Variants in PHLPP1 observed in about 807,000 individuals in gnomAD.
The protein encoded by PHLPP1 is PH domain and leucine rich repeat protein phosphatase 1, also known as PH domain leucine-rich repeat-containing protein phosphatase 1.
Under a neutral mutation model 117.2 loss-of-function variants are expected in PHLPP1, and 42 were observed. The observed-to-expected ratio is 0.36, with a 90% CI of 0.28 to 0.46. The LOEUF is 0.46. Ranked by LOEUF, PHLPP1 falls within the 20% of genes least tolerant of loss-of-function variation. The pLI, the probability that PHLPP1 is intolerant of heterozygous loss-of-function variation, is 1.00. For missense variants in PHLPP1, 2,084 were observed against 2,241.9 expected (o/e 0.93, Z 1.42); for synonymous variants, 1,042 against 970.7 (o/e 1.07, Z -1.37).
chr18:62,978,819 G>A lies in PHLPP1; in HGVS notation c.4542G>A (p.Gln1514=), dbSNP rs747156062. Residue 1514 remains glutamine, a synonymous_variant, in exon 17 of 17, where the codon CAG becomes CAA. Coordinates refer to ENST00000262719, the MANE Select transcript of PHLPP1 (RefSeq NM_194449.4). The surrounding 1 kb of genome is among the most constrained non-coding windows in gnomAD (Gnocchi z 7.0). ...ACAGCCCTGCCTACCCCAGTGAGCA[G>A]CGCTGCATGCTCCACCCCATCTGTC... is the stretch of plus-strand genomic sequence containing the variant. The part of the protein sequence containing the change: ...SENSPAYPSE[Q]RCMLHPICLS... 6.2e-7 allele frequency: 1 copy of A among 1,610,358 alleles called. No individual in the cohort carries two copies. Among genetic ancestry groups the A allele is most frequent in the African/African-American group, 1.3e-5 (1 of 74,824 alleles).
At chr18:62,821,137 T>C (rs1914441785) in intron 1 of PHLPP1, among the ~76,000 whole-genome samples, 1 of 152,074 alleles carries the variant, frequency 6.6e-6, no homozygotes, top group Non-Finnish European at 1.5e-5. Flanking sequence ...AATCTCAAAA[T>C]TAGTAAAAGA....
intron 1 of PHLPP1, among the ~76,000 whole-genome samples, chr18:62,767,289 A>G (rs1364279935): frequency 1.3e-5 from 2 of 152,244 alleles, no homozygotes; most frequent in Non-Finnish European, 1.5e-5. Flanking sequence ...GCTTTTCAAA[A>G]GTGCCACAAT....
chr18:62,852,582 A>G (rs1048775308), intron 3 of PHLPP1, among the ~76,000 whole-genome samples: 8 of 152,052 alleles, frequency 5.3e-5, no homozygotes, highest in African/African-American at 1.9e-4. Context: ...TGACATCATG[A>G]TCCGCCCGCC....
At chr18:62,962,679 C>A (rs898304803) in intron 13 of PHLPP1, among the ~76,000 whole-genome samples, 21 of 152,184 alleles carry the variant, frequency 1.4e-4, no homozygotes, top group African/African-American at 4.6e-4. Context: ...CCTGTTGGAT[C>A]AATTATGGCA....
intron 1 of PHLPP1, among the ~76,000 whole-genome samples, chr18:62,723,529 C>T (rs1333905012): frequency 6.6e-6 from 1 of 152,192 alleles, no homozygotes; most frequent in Non-Finnish European, 1.5e-5. Flanking sequence ...TCTATTTCTT[C>T]TGAATCAGAC....
chr18:62,777,441 AT>A (rs1271791342), intron 1 of PHLPP1, among the ~76,000 whole-genome samples: 1 of 151,340 alleles, frequency 6.6e-6, no homozygotes, highest in Non-Finnish European at 1.5e-5. Context: ...CTTGTTAGGT[AT>A]ATGTATGTAT....
chr18:62,778,362 C>G (rs926006386), intron 1 of PHLPP1, among the ~76,000 whole-genome samples: 16 of 152,250 alleles, frequency 1.1e-4, no homozygotes, highest in Non-Finnish European at 1.9e-4. Flanking sequence ...TCATTTTATA[C>G]TTAGAGGGGC....
rs796719016 is a variant in PHLPP1, at chr18:62,822,280, G to GTTT, written c.1577-7752_1577-7750dup. ...AGAAAATAGTGTTTTTTTTTTTTTT[G>GTTT]TTTTTGTTTTTTTTTTTTTGAGACA... On this transcript the variant is annotated intron_variant, in intron 1 of 16. Coordinates refer to ENST00000262719, the MANE Select transcript of PHLPP1 (RefSeq NM_194449.4). Among the ~76,000 whole-genome samples the GTTT allele has an allele frequency of 8.1e-4, 78 of 95,986 alleles. 4 individuals carry two copies. Among genetic ancestry groups the GTTT allele is most frequent in the South Asian group, 9.4e-4 (3 of 3,192 alleles). The allele number at this position is 95,986 out of a possible 152,430, so 63.0% of individuals were successfully genotyped here. A position where few individuals can be genotyped will look rare whatever the true frequency, so the allele number is the denominator to read the frequency against.
At chr18:62,824,583 ATATCT>A (rs928668156) in intron 1 of PHLPP1, among the ~76,000 whole-genome samples, 17 of 152,108 alleles carry the variant, frequency 1.1e-4, no homozygotes, top group Non-Finnish European at 1.5e-4. Context: ...TAGATACATC[ATATCT>A]TATTTTATAC....
At chr18:62,791,969 G>C (rs1292804249) in intron 1 of PHLPP1, among the ~76,000 whole-genome samples, 1 of 149,948 alleles carries the variant, frequency 6.7e-6, no homozygotes, top group African/African-American at 2.5e-5. Flanking sequence ...TTTTCCTGGA[G>C]ACATTTTCTC....
In PHLPP1 at chr18:62,849,832, A is replaced by ATATATATAT. The variant is rs747097979; in HGVS notation, c.1900-10603_1900-10602insTATATATAT. On this transcript the variant is annotated intron_variant, in intron 3 of 16. Transcript: ENST00000262719. ...AAAAAAAAAAAAAAAAAAAAAAAAA[A>ATATATATAT]ATATATATATCCTTTAAAGTTTAGT... is the stretch of plus-strand genomic sequence containing the variant. 1.4e-3 allele frequency among the ~76,000 whole-genome samples: 47 copies of ATATATATAT among 33,096 alleles called. 9 individuals are homozygous for ATATATATAT. The highest frequency in any genetic ancestry group is 2.1e-3 in the African/African-American group (17 of 8,098). 21.7% of individuals were successfully genotyped at this position (33,096 alleles called of 152,430 possible).
In PHLPP1 at chr18:62,920,013, A is replaced by G. The variant is rs1361183436; in HGVS notation, c.2859A>G (p.Ala953=). ...TACTGGCAGGACACAACCAGTTGGCAAGGCTGCCTGAAAGGCTAGAAAGAA... is the reference window on the plus strand; with the variant it reads ...TACTGGCAGGACACAACCAGTTGGCGAGGCTGCCTGAAAGGCTAGAAAGAA... The part of the protein sequence containing the change: ...RKLLAGHNQL[A]RLPERLERTS... The change falls in exon 10 of 17, where the codon GCA becomes GCG. Residue 953 remains alanine, a synonymous_variant. Transcript: ENST00000262719. 6.2e-7 allele frequency: 1 copy of G among 1,610,866 alleles called. No homozygotes were observed. Among genetic ancestry groups the G allele is most frequent in the Non-Finnish European group, 8.5e-7 (1 of 1,178,402 alleles).
intron 4 of PHLPP1, among the ~76,000 whole-genome samples, chr18:62,891,888 CAAAAAA>C (rs574107579): frequency 2.9e-4 from 23 of 79,110 alleles, no homozygotes; most frequent in African/African-American, 9.8e-4. Flanking sequence ...GACCCTTTCT[CAAAAAA>C]AAAAAAAAAA....
Position 62,716,123 on chromosome 18 carries a change from C to T in PHLPP1, c.440C>T (p.Ala147Val). 1.3e-6 allele frequency: 2 copies of T among 1,514,596 alleles called. No individual in the cohort carries two copies. The highest frequency in any genetic ancestry group is 1.8e-4 in the Middle Eastern group (1 of 5,450). The allele number at this position is 1,514,596 out of a possible 1,614,324, so 93.8% of individuals were successfully genotyped here. A position where few individuals can be genotyped will look rare whatever the true frequency, so the allele number is the denominator to read the frequency against. ...TCGTCGTCGTCGTCCTCGGCCGCTGCTGCCTCGCACTCCCCCGGCGCTGCC... is the reference window on the plus strand; with the variant it reads ...TCGTCGTCGTCGTCCTCGGCCGCTGTTGCCTCGCACTCCCCCGGCGCTGCC... ...ASSSSSSSAA[A>V]ASHSPGAAGL... Residue 147 changes from alanine (A) to valine (V), a missense_variant, in exon 1 of 17, where the codon GCT (alanine) becomes GTT (valine). Around this residue, in one of 2 missense-constraint regions of PHLPP1, gnomAD observed 719 missense variants for 636.0 expected, o/e 1.13. Coordinates refer to ENST00000262719, the MANE Select transcript of PHLPP1 (RefSeq NM_194449.4). The surrounding 1 kb of genome is among the most constrained non-coding windows in gnomAD (Gnocchi z 5.7).
intron 12 of PHLPP1, among the ~76,000 whole-genome samples, chr18:62,955,084 G>A (rs771978514): frequency 6.6e-5 from 10 of 152,186 alleles, no homozygotes; most frequent in Non-Finnish European, 1.5e-4. Context: ...AGTAGAGTTG[G>A]CATTGAGTTG....
At chr18:62,942,525 A>T (rs574630800) in intron 11 of PHLPP1, among the ~76,000 whole-genome samples, 1 of 152,326 alleles carries the variant, frequency 6.6e-6, no homozygotes, top group African/African-American at 2.4e-5. Context: ...AAACTGTAAC[A>T]TTGCAAATTC....
chr18:62,787,476 C>T (rs1281280646), intron 1 of PHLPP1, among the ~76,000 whole-genome samples: 4 of 151,998 alleles, frequency 2.6e-5, no homozygotes, highest in East Asian at 3.9e-4. Context: ...CCTAAAGCAT[C>T]GTTTTGAAGG....
chr18:62,792,868 CAAAAAAAA>C (rs71160870), intron 1 of PHLPP1, among the ~76,000 whole-genome samples: 22 of 56,838 alleles, frequency 3.9e-4, no homozygotes, highest in Non-Finnish European at 4.9e-4. Context: ...GCCTCTGTCT[CAAAAAAAA>C]AAAAAAAAAA....
intron 4 of PHLPP1, 38 bp from the exon 5 acceptor site, chr18:62,894,973 G>C: frequency 6.7e-7 from 1 of 1,497,208 alleles, no homozygotes; most frequent in Non-Finnish European, 9.1e-7. Context: ...AATGACATTT[G>C]TCTCTTTTTT....
Sources: gnomAD v4.1 joint callset for allele counts (sites outside exome capture counted in the v4.1 genomes callset) on GRCh38, gnomAD v4.1.1 for gene constraint, gnomAD v4.1.1 regional missense constraint, Gnocchi (gnomAD v3.1) non-coding constraint, MANE v1.5 for transcripts, NCBI Gene and HGNC (gene_info 2026-07-23, HGNC 2026-07-21) for gene names.